Variants in SLC25A37 observed in about 807,000 individuals in gnomAD.
SLC25A37 encodes mitoferrin-1.
Under a neutral mutation model 31.0 loss-of-function variants are expected in SLC25A37, and 17 were observed. The ratio of observed to expected loss-of-function variants is 0.55; its 90% CI spans 0.38 to 0.82. SLC25A37 has a LOEUF of 0.82. Among genes scored for constraint, SLC25A37 ranks in the 40% least tolerant of loss-of-function variants. The probability of loss-of-function intolerance (pLI) is 0.00; values close to 1 mark genes in which losing one functional copy is unlikely to be tolerated. For synonymous variants in SLC25A37, 222 were observed against 193.0 expected (o/e 1.15, Z -1.24); for missense variants, 404 against 465.8 (o/e 0.87, Z 1.22).
At position 23,575,078 on chromosome 8, in the gene SLC25A37, G is replaced by C. The variant is rs564195916; in HGVS notation, c.*3223G>C. 1 of 152,132 alleles carries C rather than the reference G, an allele frequency of 6.6e-6. No individual in the cohort carries two copies. Among genetic ancestry groups the C allele is most frequent in the African/African-American group, 2.4e-5 (1 of 41,422 alleles). The allele number at this position is 152,132 out of a possible 1,614,324, so 9.4% of individuals were successfully genotyped here. Reference sequence around the variant, plus strand: ...TTTACTGGGTTACATTCTATGTGTAGTTTGCTTTCTTCATTTTTTTTTCTT... The same window carrying C: ...TTTACTGGGTTACATTCTATGTGTACTTTGCTTTCTTCATTTTTTTTTCTT... On this transcript the variant is annotated 3_prime_UTR_variant, in exon 4 of 4. Transcript: ENST00000519973.
chr8:23,562,654 G>A (rs1188455008), intron 1 of SLC25A37, among the ~76,000 whole-genome samples: 1 of 152,196 alleles, frequency 6.6e-6, no homozygotes, highest in East Asian at 1.9e-4. Context: ...CCGTCATGTA[G>A]CCCCTCGACA....
In SLC25A37 at chr8:23,571,399, G is replaced by A. The variant is rs996454885; in HGVS notation, c.561G>A (p.Thr187=). 2 of 1,613,564 alleles carry A rather than the reference G, an allele frequency of 1.2e-6. No individual in the cohort carries two copies. Among genetic ancestry groups the A allele is most frequent in the Non-Finnish European group, 1.7e-6 (2 of 1,179,670 alleles). The change falls in exon 4 of 4, where the codon ACG becomes ACA. Residue 187 remains threonine, a synonymous_variant. Coordinates refer to ENST00000519973, the MANE Select transcript of SLC25A37 (RefSeq NM_016612.4). ...GGTCAGCAATCAGCTGCATCCGGAC[G>A]GTGTGGAGGACCGAGGGGTTGGGGG... is the stretch of plus-strand genomic sequence containing the variant. ...QHRSAISCIR[T]VWRTEGLGAF...
rs778710234 is a variant in SLC25A37, at chr8:23,575,377, T to C, written c.*3522T>C. The C allele has an allele frequency of 3.9e-5, 6 of 152,164 alleles. No individual in the cohort carries two copies. In the South Asian group the frequency reaches 1.2e-3, roughly 32 times the overall value. 9.4% of individuals were successfully genotyped at this position (152,164 alleles called of 1,614,324 possible). A position where few individuals can be genotyped will look rare whatever the true frequency, so the allele number is the denominator to read the frequency against. Reference sequence around the variant, plus strand: ...CCAGCTCTTTGAAGAAGGGGAGAATTGTGTGTTTTTGTGTGGGGATGTTTC... The same window carrying C: ...CCAGCTCTTTGAAGAAGGGGAGAATCGTGTGTTTTTGTGTGGGGATGTTTC... On this transcript the variant is annotated 3_prime_UTR_variant, in exon 4 of 4. Transcript: ENST00000519973.
rs1025078189 is a variant in SLC25A37 at position 23,571,675 on chromosome 8, G to C, written c.837G>C (p.Leu279=). 1 of 1,613,976 alleles carries C rather than the reference G, an allele frequency of 6.2e-7. No individual in the cohort carries two copies. The highest frequency in any genetic ancestry group is 1.3e-5 in the African/African-American group (1 of 75,048). ...CGCTGGCCAACATCAGCGGCCGGCTGTCGGGTATGGCCAATGCCTTCCGGA... is the reference window on the plus strand; with the variant it reads ...CGCTGGCCAACATCAGCGGCCGGCTCTCGGGTATGGCCAATGCCTTCCGGA... ...ALSLANISGR[L]SGMANAFRTV... is the part of the protein sequence containing the mutation. The change falls in exon 4 of 4, where the codon CTG becomes CTC. Residue 279 remains leucine, a synonymous_variant. Coordinates refer to ENST00000519973, the MANE Select transcript of SLC25A37 (RefSeq NM_016612.4).
intron 1 of SLC25A37, among the ~76,000 whole-genome samples, chr8:23,548,327 T>C (rs1802124098): frequency 1.3e-5 from 2 of 151,964 alleles, no homozygotes; most frequent in African/African-American, 2.4e-5. Flanking sequence ...TACAGGCATG[T>C]GCCACCACGC....
chr8:23,571,202 T>G, intron 3 of SLC25A37, 133 bp from the exon 4 acceptor site: 1 of 1,088,020 alleles, frequency 9.2e-7, no homozygotes, highest in Non-Finnish European at 1.3e-6. Context: ...GTGTGCTGGC[T>G]CTCGCCTGTT....
intron 1 of SLC25A37, among the ~76,000 whole-genome samples, chr8:23,551,739 C>T (rs570422438): frequency 3.9e-4 from 59 of 152,196 alleles, no homozygotes; most frequent in Non-Finnish European, 6.9e-4. Context: ...TGAAGTGAGT[C>T]GCCCAAGGAC....
At chr8:23,548,805 C>T (rs536956470) in intron 1 of SLC25A37, among the ~76,000 whole-genome samples, 2 of 152,292 alleles carry the variant, frequency 1.3e-5, no homozygotes, top group African/African-American at 2.4e-5. Flanking sequence ...GATGGAAACA[C>T]AGCATTAAGG....
At chr8:23,555,217 T>A (rs955883873) in intron 1 of SLC25A37, among the ~76,000 whole-genome samples, 1 of 152,222 alleles carries the variant, frequency 6.6e-6, no homozygotes, top group Admixed American at 6.5e-5. Flanking sequence ...TTCCTCTCCA[T>A]GCCAAATTTG....
At chr8:23,532,988 A>G (rs999652515) in intron 1 of SLC25A37, among the ~76,000 whole-genome samples, 4 of 152,236 alleles carry the variant, frequency 2.6e-5, no homozygotes, top group Admixed American at 2.6e-4. Flanking sequence ...TTCCTGGGAC[A>G]AAACTATAAT....
At chr8:23,557,962 G>A (rs1465919493) in intron 1 of SLC25A37, among the ~76,000 whole-genome samples, 1 of 152,130 alleles carries the variant, frequency 6.6e-6, no homozygotes, top group African/African-American at 2.4e-5. Flanking sequence ...CAGCCTCTAG[G>A]GCTCAGCCCT....
rs563621425 is a variant in SLC25A37 at position 23,573,939 on chromosome 8, C to T, written c.*2084C>T. 1.4e-3 allele frequency: 589 copies of T among 430,472 alleles called. 9 individuals are homozygous for T. Among genetic ancestry groups the T allele is most frequent in the South Asian group, 8.3e-3 (525 of 63,086 alleles). The allele number at this position is 430,472 out of a possible 1,614,324, so 26.7% of individuals were successfully genotyped here. Reference sequence around the variant, plus strand: ...CTCCGCTCTCAACCTGCCTTGGGTTCGTGTTAAATGGTGTTAAATTCTGCA... The same window carrying T: ...CTCCGCTCTCAACCTGCCTTGGGTTTGTGTTAAATGGTGTTAAATTCTGCA... On this transcript the variant is annotated 3_prime_UTR_variant, in exon 4 of 4. Coordinates refer to ENST00000519973, the MANE Select transcript of SLC25A37 (RefSeq NM_016612.4).
chr8:23,546,497 G>GTA (rs1054939803), intron 1 of SLC25A37, among the ~76,000 whole-genome samples: 30 of 121,310 alleles, frequency 2.5e-4, no homozygotes, highest in East Asian at 5.6e-4. Context: ...AGGTGTGTGT[G>GTA]TATATATATA....
Position 23,529,071 on chromosome 8 carries a change from T to C in SLC25A37, c.69T>C (p.Asp23=). ...VARRMDGDSR[D]GGGGKDATGS... ...GGAGGATGGATGGGGACAGCCGAGA[T>C]GGCGGCGGCGGCAAGGACGCCACCG... The change falls in exon 1 of 4, where the codon GAT becomes GAC. Residue 23 remains aspartate, a synonymous_variant. Transcript: ENST00000519973. This position sits in a 1 kb window ranked among gnomAD's most constrained non-coding sequence, Gnocchi z 4.1. 2 of 1,594,224 alleles carry C rather than the reference T, an allele frequency of 1.3e-6. No individual in the cohort carries two copies. Among genetic ancestry groups the C allele is most frequent in the South Asian group, 2.3e-5 (2 of 88,224 alleles).
At position 23,529,036 on chromosome 8, in the gene SLC25A37, G is replaced by A; in HGVS notation, c.34G>A (p.Ala12Thr). 6.4e-7 allele frequency: 1 copy of A among 1,554,342 alleles called. No individual in the cohort carries two copies. Residue 12 changes from alanine (A) to threonine (T), a missense_variant, in exon 1 of 4, where the codon GCG becomes ACG. This residue lies in a region of SLC25A37 where 154 missense variants were observed against 153.6 expected (regional missense o/e 1.00). Transcript: ENST00000519973. The surrounding 1 kb of genome is among the most constrained non-coding windows in gnomAD (Gnocchi z 4.1). ...GCGCAGCGGGAGCGTGGGCAGCCAG[G>A]CGGTGGCGCGGAGGATGGATGGGGA... is the stretch of plus-strand genomic sequence containing the variant. ...ELRSGSVGSQ[A>T]VARRMDGDSR...
At chr8:23,548,476 G>C (rs920761020) in intron 1 of SLC25A37, among the ~76,000 whole-genome samples, 14 of 125,930 alleles carry the variant, frequency 1.1e-4, no homozygotes, top group Admixed American at 2.3e-4. Flanking sequence ...CCACGTCCGG[G>C]CTTTTTTTTT....
chr8:23,547,716 C>G (rs540501834), intron 1 of SLC25A37, among the ~76,000 whole-genome samples: 71 of 152,302 alleles, frequency 4.7e-4, no homozygotes, highest in African/African-American at 1.6e-3. Flanking sequence ...CCATGTTGGG[C>G]CCCTGCATTC....
At chr8:23,553,016 C>A (rs1419318894) in intron 1 of SLC25A37, among the ~76,000 whole-genome samples, 1 of 152,200 alleles carries the variant, frequency 6.6e-6, no homozygotes, top group Non-Finnish European at 1.5e-5. Context: ...CTCTTATCTC[C>A]CCACACATGG....
chr8:23,562,968 T>C (rs895387027), intron 1 of SLC25A37, among the ~76,000 whole-genome samples: 5 of 152,214 alleles, frequency 3.3e-5, no homozygotes, highest in Non-Finnish European at 4.4e-5. Context: ...CGATTTCATA[T>C]GTCCTAAAGG....
Sources: allele counts gnomAD v4.1 joint callset (sites outside exome capture counted in the v4.1 genomes callset), GRCh38; gene constraint gnomAD v4.1.1; regional missense constraint gnomAD v4.1.1; non-coding constraint Gnocchi (gnomAD v3.1); transcripts MANE v1.5; gene names NCBI Gene and HGNC (gene_info 2026-07-23, HGNC 2026-07-21).